Variants in RAB18 observed in about 807,000 individuals in gnomAD.
RAB18 encodes the protein RAB18, member RAS oncogene family.
RAB18 carries 10 observed loss-of-function variants against 28.5 expected under a neutral mutation model. The ratio of observed to expected loss-of-function variants is 0.35; its 90% CI spans 0.22 to 0.60. The LOEUF is 0.60. Among genes scored for constraint, RAB18 ranks in the 20% least tolerant of loss-of-function variants. RAB18 has a pLI of 0.78. For missense variants in RAB18, 188 were observed against 244.2 expected (o/e 0.77, Z 1.53); for synonymous variants, 93 against 86.9 (o/e 1.07, Z -0.39).
intron 1 of RAB18, among the ~76,000 whole-genome samples, chr10:27,509,233 G>A (rs1834276809): frequency 6.6e-6 from 1 of 152,106 alleles, no homozygotes; most frequent in Non-Finnish European, 1.5e-5. Flanking sequence ...ACAAAGAGCA[G>A]TACTTGTCTT....
intron 2 of RAB18, 40 bp downstream of exon 2, chr10:27,509,970 T>C (rs983345715): frequency 1.3e-6 from 2 of 1,504,700 alleles, no homozygotes; most frequent in African/African-American, 2.8e-5. Context: ...ATGGCCAGTA[T>C]TTTCTTGCCT....
chr10:27,511,108 T>A (rs1264433458), intron 2 of RAB18, among the ~76,000 whole-genome samples: 1 of 152,236 alleles, frequency 6.6e-6, no homozygotes, highest in Non-Finnish European at 1.5e-5. Flanking sequence ...GTCCCATTAA[T>A]GTCCCATATA....
chr10:27,505,595 C>G (rs940446163), intron 1 of RAB18, among the ~76,000 whole-genome samples: 1 of 152,178 alleles, frequency 6.6e-6, no homozygotes, highest in Admixed American at 6.5e-5. Flanking sequence ...GAGTCTCGCT[C>G]TGTTGCCAGG....
In RAB18 at chr10:27,506,198, AT is replaced by A. The variant is rs570399675; in HGVS notation, c.68+1762del. On this transcript the variant is annotated intron_variant, in intron 1 of 6. Coordinates refer to ENST00000356940, the MANE Select transcript of RAB18 (RefSeq NM_021252.5). The stretch of plus-strand genomic sequence containing the variant: ...GTCAAGAATGGTTGGTTGTCATTTC[AT>A]GTAGTTCAACCCAATACATGGTTGG... Among the ~76,000 whole-genome samples the A allele has an allele frequency of 7.0e-3, 1,069 of 152,264 alleles. 7 individuals are homozygous for A. The highest frequency in any genetic ancestry group is 0.011 in the Admixed American group (174 of 15,308).
In RAB18 at chr10:27,538,115, CTT is replaced by C. The variant is rs1834938544; in HGVS notation, c.*66_*67del. 6.3e-7 allele frequency: 1 copy of C among 1,592,526 alleles called. No homozygotes were observed. Among genetic ancestry groups the C allele is most frequent in the South Asian group, 1.1e-5 (1 of 90,474 alleles). ...AGTGACATCTTTCTGTATATAAACT[CTT>C]TAACTGCTATTTTAGGGACCTTGCA... On this transcript the variant is annotated 3_prime_UTR_variant, in exon 7 of 7. Transcript: ENST00000356940.
In RAB18 at chr10:27,541,826, A is replaced by AC; in HGVS notation, c.*3780dup. The AC allele has an allele frequency of 2.5e-6, 1 of 399,346 alleles. No individual in the cohort carries two copies. 24.7% of individuals were successfully genotyped at this position (399,346 alleles called of 1,614,324 possible). A position where few individuals can be genotyped will look rare whatever the true frequency, so the allele number is the denominator to read the frequency against. On this transcript the variant is annotated 3_prime_UTR_variant, in exon 7 of 7. Transcript: ENST00000356940. ...ACCTACTTCCTTCTCCCACCATACC[A>AC]CCCCCACCCCCACCCCTGCAAACAA...
chr10:27,511,640 G>C (rs1316554981), intron 2 of RAB18, among the ~76,000 whole-genome samples: 2 of 152,174 alleles, frequency 1.3e-5, no homozygotes, highest in Non-Finnish European at 1.5e-5. Context: ...TTAACGGTTA[G>C]ATTCAGGTTA....
chr10:27,531,911 C>G (rs1326687339), intron 3 of RAB18, among the ~76,000 whole-genome samples: 1 of 151,660 alleles, frequency 6.6e-6, no homozygotes, highest in Non-Finnish European at 1.5e-5. Context: ...CATTTTCTAC[C>G]TAGTGTACAT....
chr10:27,506,826 C>A (rs897620975), intron 1 of RAB18, among the ~76,000 whole-genome samples: 2 of 152,220 alleles, frequency 1.3e-5, no homozygotes, highest in African/African-American at 4.8e-5. Context: ...GCCACCGAAA[C>A]AAAGAAACAA....
chr10:27,531,609 G>A (rs1265947322), intron 3 of RAB18: 1 of 938,694 alleles, frequency 1.1e-6, no homozygotes, highest in Non-Finnish European at 1.7e-6. Flanking sequence ...GGGCCATGTG[G>A]CAATACGTAA....
intron 2 of RAB18, among the ~76,000 whole-genome samples, chr10:27,515,296 G>A (rs770751556): frequency 3.3e-5 from 5 of 151,918 alleles, no homozygotes; most frequent in Admixed American, 6.6e-5. Flanking sequence ...GGCACAATTC[G>A]CTTTAAGTTT....
At chr10:27,512,050 A>G (rs1452586845) in intron 2 of RAB18, among the ~76,000 whole-genome samples, 1 of 151,538 alleles carries the variant, frequency 6.6e-6, no homozygotes, top group Non-Finnish European at 1.5e-5. Context: ...TCAGCCTCCC[A>G]AGTAGCTGGA....
At chr10:27,508,034 A>AG in intron 1 of RAB18, among the ~76,000 whole-genome samples, 1 of 151,502 alleles carries the variant, frequency 6.6e-6, no homozygotes, top group East Asian at 1.9e-4. Context: ...AAAAAAAAAA[A>AG]AAGTGTGCTT....
intron 3 of RAB18, among the ~76,000 whole-genome samples, chr10:27,527,977 C>T (rs531164669): frequency 3.3e-5 from 5 of 152,138 alleles, no homozygotes; most frequent in South Asian, 2.1e-4. Flanking sequence ...TCAATCAGAA[C>T]GGTAATGTCT....
chr10:27,523,382 C>G (rs1834606131), intron 2 of RAB18, among the ~76,000 whole-genome samples: 1 of 150,122 alleles, frequency 6.7e-6, no homozygotes, highest in Non-Finnish European at 1.5e-5. Context: ...ATATTTTCCC[C>G]CCTTCTCTCT....
Position 27,511,060 on chromosome 10 carries a change from A to T in RAB18, c.124+1130A>T, listed in dbSNP as rs796269679. 1.7e-4 allele frequency among the ~76,000 whole-genome samples: 26 copies of T among 152,360 alleles called. 1 individual carries two copies. The highest frequency in any genetic ancestry group is 6.0e-4 in the African/African-American group (25 of 41,580). ...TAATGTGTATTTCTTAAATGAACAT[A>T]GATACATTTTATTGTCTATACACAG... is the stretch of plus-strand genomic sequence containing the variant. On this transcript the variant is annotated intron_variant, in intron 2 of 6. Transcript: ENST00000356940.
intron 2 of RAB18, among the ~76,000 whole-genome samples, chr10:27,514,507 AG>A (rs1280142192): frequency 5.9e-5 from 9 of 152,302 alleles, no homozygotes; most frequent in Admixed American, 4.6e-4. Flanking sequence ...AGGATCACAT[AG>A]ATAATAGAGA....
intron 2 of RAB18, among the ~76,000 whole-genome samples, chr10:27,520,524 CT>C (rs1247156744): frequency 6.6e-6 from 1 of 152,114 alleles, no homozygotes; most frequent in Non-Finnish European, 1.5e-5. Flanking sequence ...GCCCTGCTAG[CT>C]TTGCACAGAG....
intron 3 of RAB18, among the ~76,000 whole-genome samples, chr10:27,530,213 G>T (rs558382747): frequency 6.6e-5 from 10 of 152,012 alleles, no homozygotes; most frequent in African/African-American, 2.4e-4. Flanking sequence ...AAAAGTCTTG[G>T]GGCTAAAATA....
Sources: allele counts gnomAD v4.1 joint callset (sites outside exome capture counted in the v4.1 genomes callset), GRCh38; gene constraint gnomAD v4.1.1; transcripts MANE v1.5; gene names NCBI Gene and HGNC (gene_info 2026-07-23, HGNC 2026-07-21).